ITPR2: variants seen among roughly 807,000 people sequenced by gnomAD.
ITPR2 encodes inositol 1,4,5-trisphosphate-gated calcium channel ITPR2.
A neutral mutation model predicts 317.1 loss-of-function variants in ITPR2; 207 were observed. The ratio of observed to expected loss-of-function variants is 0.65; its 90% confidence interval spans 0.58 to 0.73. The LOEUF (loss-of-function observed/expected upper bound fraction) is 0.73. Among genes scored for constraint, ITPR2 ranks in the 30% least tolerant of loss-of-function variants. The pLI is 0.00. For missense variants in ITPR2, 2,613 were observed against 3,284.0 expected (o/e 0.80, Z 4.99); for synonymous variants, 1,156 against 1,149.1 (o/e 1.01, Z -0.12).
At chr12:26,416,525 A>AT (rs879818753) in intron 50 of ITPR2, among the ~76,000 whole-genome samples, 5 of 151,820 alleles carry the variant, frequency 3.3e-5, no homozygotes, top group East Asian at 1.9e-4. Context: ...GACCTTGTCT[A>AT]TTTTTTTTCT....
At chr12:26,657,580 T>G in intron 18 of ITPR2, 127 bp downstream of exon 18, 2 of 701,628 alleles carry the variant, frequency 2.9e-6, no homozygotes, top group East Asian at 5.0e-5. Flanking sequence ...ATATTTCAGC[T>G]ACCCTAGTTC....
Position 26,509,958 on chromosome 12 carries a change from TTGTGTGTGTGTGTGTG to T in ITPR2, c.5074-14714_5074-14699del, listed in dbSNP as rs56063133. On this transcript the variant is annotated intron_variant, in intron 37 of 56. Coordinates refer to ENST00000381340, the MANE Select transcript of ITPR2 (RefSeq NM_002223.4). ...TTTTGTTAACAAGTAGATAAGGGTTTTGTGTGTGTGTGTGTGTGTGTGTGTGTGTGTGTGTGTGTGT... is the reference window on the plus strand; with the variant it reads ...TTTTGTTAACAAGTAGATAAGGGTTTTGTGTGTGTGTGTGTGTGTGTGTGT... Among the ~76,000 whole-genome samples, 172 of 53,268 alleles carry T rather than the reference TTGTGTGTGTGTGTGTG, an allele frequency of 3.2e-3. 1 individual carries two copies. The highest frequency in any genetic ancestry group is 7.8e-3 in the African/African-American group (135 of 17,208). The allele number at this position is 53,268 out of a possible 152,430, so 34.9% of individuals were successfully genotyped here. A position where few individuals can be genotyped will look rare whatever the true frequency, so the allele number is the denominator to read the frequency against.
chr12:26,425,085 A>T (rs1941015825), intron 49 of ITPR2, among the ~76,000 whole-genome samples: 1 of 151,924 alleles, frequency 6.6e-6, no homozygotes, highest in African/African-American at 2.4e-5. Context: ...TTAAAAATGA[A>T]GGTAGATGAT....
intron 26 of ITPR2, among the ~76,000 whole-genome samples, chr12:26,607,846 C>T (rs1016044001): frequency 3.3e-5 from 5 of 152,124 alleles, no homozygotes; most frequent in East Asian, 3.9e-4. Context: ...TTTGGGAGGC[C>T]GAGGCAGGCG....
At position 26,693,979 on chromosome 12, in the gene ITPR2, C is replaced by T. The variant is rs117746343; in HGVS notation, c.996+1627G>A. Among the ~76,000 whole-genome samples the T allele has an allele frequency of 9.2e-5, 14 of 152,156 alleles. No homozygotes were observed. In the East Asian group the frequency reaches 2.7e-3, roughly 29 times the overall value. On this transcript the variant is annotated intron_variant, in intron 10 of 56. Coordinates refer to ENST00000381340, the MANE Select transcript of ITPR2 (RefSeq NM_002223.4). ...ACTGAGTCTCAAGAAAGCTATCTCACTTGTCCAAGGCCACACAAGTTAATG... is the reference window on the plus strand; with the variant it reads ...ACTGAGTCTCAAGAAAGCTATCTCATTTGTCCAAGGCCACACAAGTTAATG...
chr12:26,426,455 T>C (rs1156429138), intron 49 of ITPR2, among the ~76,000 whole-genome samples: 1 of 152,164 alleles, frequency 6.6e-6, no homozygotes, highest in Non-Finnish European at 1.5e-5. Flanking sequence ...CAATGCCAGC[T>C]GTTAAAGTAG....
At chr12:26,546,782 C>A (rs1373913876) in intron 37 of ITPR2, among the ~76,000 whole-genome samples, 3 of 151,680 alleles carry the variant, frequency 2.0e-5, no homozygotes, top group South Asian at 2.1e-4. Flanking sequence ...TTCAACAAAG[C>A]AGATAAGAAC....
chr12:26,553,982 G>A (rs1338358473), intron 36 of ITPR2, among the ~76,000 whole-genome samples: 1 of 152,178 alleles, frequency 6.6e-6, no homozygotes, highest in Non-Finnish European at 1.5e-5. Context: ...AACTACTCAT[G>A]TAAACACAAC....
At position 26,561,924 on chromosome 12, in the gene ITPR2, C is replaced by T. The variant is rs748228565; in HGVS notation, c.4659G>A (p.Val1553=). The part of the protein sequence containing the change: ...VAKNRGIAIP[V]DLDSQVNTLF... ...GAGTATTAACTTGGCTGTCCAAATC[C>T]ACTGGAATGGCAATTCCACGATTTT... The change falls in exon 35 of 57, where the codon GTG becomes GTA. Residue 1553 remains valine (V), a synonymous_variant. Coordinates refer to ENST00000381340, the MANE Select transcript of ITPR2 (RefSeq NM_002223.4). 17 of 1,529,712 alleles carry T rather than the reference C, an allele frequency of 1.1e-5. No individual in the cohort carries two copies. Among genetic ancestry groups the T allele is most frequent in the Non-Finnish European group, 1.5e-5 (17 of 1,148,588 alleles). 94.8% of individuals were successfully genotyped at this position (1,529,712 alleles called of 1,614,324 possible). A position where few individuals can be genotyped will look rare whatever the true frequency, so the allele number is the denominator to read the frequency against.
chr12:26,357,570 A>C (rs1938679712), intron 55 of ITPR2, among the ~76,000 whole-genome samples: 1 of 152,228 alleles, frequency 6.6e-6, no homozygotes, highest in Non-Finnish European at 1.5e-5. Context: ...ATTATTGACC[A>C]AAGAGGGTTG....
At chr12:26,786,621 CTT>C (rs148408018) in intron 2 of ITPR2, among the ~76,000 whole-genome samples, 1,691 of 152,170 alleles carry the variant, frequency 0.011, 26 homozygotes, top group African/African-American at 0.038. Context: ...TTTGGTAAAA[CTT>C]AGTTTCCTCT....
intron 41 of ITPR2, among the ~76,000 whole-genome samples, chr12:26,484,201 A>G (rs1942610793): frequency 6.6e-6 from 1 of 151,536 alleles, no homozygotes; most frequent in African/African-American, 2.4e-5. Context: ...ATAGTTCATA[A>G]TAAACATTTC....
chr12:26,681,887 G>T lies in ITPR2; in HGVS notation c.1396C>A (p.Gln466Lys). ...TTAAAGAGTTACCTCCTTTCATTCTGAGTTATTGTGCCGTTTTCTAGCTTT... is the reference window on the plus strand; with the variant it reads ...TTAAAGAGTTACCTCCTTTCATTCTTAGTTATTGTGCCGTTTTCTAGCTTT... Reference protein sequence around the residue: ...VKKLENGTITQNERRFVTKLL... With the variant: ...VKKLENGTITKNERRFVTKLL... The change falls in exon 13 of 57, where the codon CAG (glutamine) becomes AAG (lysine). Residue 466 changes from glutamine (Q) to lysine (K), a missense_variant. Gln to Lys is a moderately conservative substitution (Grantham distance 53, BLOSUM62 1). Coordinates refer to ENST00000381340, the MANE Select transcript of ITPR2 (RefSeq NM_002223.4). 2 of 1,610,346 alleles carry T rather than the reference G, an allele frequency of 1.2e-6. No homozygotes were observed. Among genetic ancestry groups the T allele is most frequent in the Non-Finnish European group, 1.7e-6 (2 of 1,177,232 alleles).
intron 5 of ITPR2, among the ~76,000 whole-genome samples, chr12:26,720,732 G>A (rs1453947869): frequency 3.3e-5 from 5 of 152,194 alleles, no homozygotes; most frequent in African/African-American, 1.2e-4. Flanking sequence ...TTTTCACCAA[G>A]ATTGAGTGTT....
intron 1 of ITPR2, among the ~76,000 whole-genome samples, chr12:26,830,019 T>C (rs1474823357): frequency 6.6e-6 from 1 of 152,246 alleles, no homozygotes; most frequent in African/African-American, 2.4e-5. Context: ...TTCTCCTGCC[T>C]CAGCCTCCCG....
intron 5 of ITPR2, among the ~76,000 whole-genome samples, chr12:26,717,743 G>C (rs1301993130): frequency 6.6e-6 from 1 of 152,162 alleles, no homozygotes; most frequent in African/African-American, 2.4e-5. Flanking sequence ...GTAGAAATCG[G>C]ACAGATGGAA....
At chr12:26,774,412 G>C (rs923537750) in intron 2 of ITPR2, among the ~76,000 whole-genome samples, 5 of 152,204 alleles carry the variant, frequency 3.3e-5, no homozygotes, top group Non-Finnish European at 5.9e-5. Flanking sequence ...GCTGAGGTAA[G>C]AGGATCATTT....
intron 13 of ITPR2, among the ~76,000 whole-genome samples, chr12:26,668,994 T>C (rs1947689286): frequency 6.6e-6 from 1 of 152,036 alleles, no homozygotes; most frequent in South Asian, 2.1e-4. Context: ...GGCATGCGCC[T>C]ATGGTCCCAG....
intron 46 of ITPR2, among the ~76,000 whole-genome samples, chr12:26,439,901 C>T (rs1458644317): frequency 4.0e-5 from 6 of 150,142 alleles, no homozygotes; most frequent in Non-Finnish European, 8.9e-5. Flanking sequence ...TTTTAGCCTC[C>T]CTTATTTGTT....
Sources: gnomAD v4.1 joint callset for allele counts (sites outside exome capture counted in the v4.1 genomes callset) on GRCh38, gnomAD v4.1.1 for gene constraint, MANE v1.5 for transcripts, NCBI Gene and HGNC (gene_info 2026-07-23, HGNC 2026-07-21) for gene names.